KIF26B: variants seen among roughly 807,000 people sequenced by gnomAD.
The protein encoded by KIF26B is kinesin family member 26B.
In KIF26B, 63 loss-of-function variants were observed where a neutral mutation model predicts 151.2. The ratio of observed to expected loss-of-function variants is 0.42; its 90% confidence interval spans 0.34 to 0.51. The LOEUF is 0.51. Among genes scored for constraint, KIF26B ranks in the 20% least tolerant of loss-of-function variants. The pLI, the probability that KIF26B is intolerant of heterozygous loss-of-function variation, is 0.07. For synonymous variants in KIF26B, 1,357 were observed against 1,262.1 expected, an observed-to-expected ratio of 1.08 and a Z score of -1.59; for missense variants, 2,813 against 2,913.6, an observed-to-expected ratio of 0.97 and a Z score of 0.79.
rs1669901817 is a variant in KIF26B at position 245,227,618 on chromosome 1, A to G, written c.465+70935A>G. Among the ~76,000 whole-genome samples, 1 of 152,236 alleles carries G rather than the reference A, an allele frequency of 6.6e-6. No homozygotes were observed. Among genetic ancestry groups the G allele is most frequent in the Admixed American group, 6.5e-5 (1 of 15,284 alleles). ...TAGGAGAAGGGAAGAACACAGTTAC[A>G]GTATTAGACTCACTGTTTCCTGAGC... On this transcript the variant is annotated intron_variant, in intron 2 of 14. Transcript: ENST00000407071. This position sits in a 1 kb window ranked among gnomAD's most constrained non-coding sequence, Gnocchi z 4.1.
In KIF26B at chr1:245,609,256, G is replaced by A. The variant is rs184798035; in HGVS notation, c.1652-10G>A. 8 of 1,586,562 alleles carry A rather than the reference G, an allele frequency of 5.0e-6. No individual in the cohort carries two copies. The African/African-American group carries it at 9.4e-5, about 19-fold the overall frequency. On this transcript the variant is annotated splice_polypyrimidine_tract_variant and intron_variant, in intron 7 of 14. Coordinates refer to ENST00000407071, the MANE Select transcript of KIF26B (RefSeq NM_018012.4). Reference sequence around the variant, plus strand: ...TGAACCTGCTTTTCTTCCTTCCCTGGTTCTCCCAGGAAAATCCTACACCAT... The same window carrying A: ...TGAACCTGCTTTTCTTCCTTCCCTGATTCTCCCAGGAAAATCCTACACCAT...
At chr1:245,247,779 A>C (rs1670364451) in intron 2 of KIF26B, among the ~76,000 whole-genome samples, 1 of 152,234 alleles carries the variant, frequency 6.6e-6, no homozygotes, top group South Asian at 2.1e-4. Context: ...AGAACAATTA[A>C]GTCATCTGTT....
intron 4 of KIF26B, among the ~76,000 whole-genome samples, chr1:245,523,633 GC>G (rs1268144463): frequency 1.3e-5 from 2 of 152,176 alleles, no homozygotes; most frequent in Non-Finnish European, 2.9e-5. Context: ...GGCAGAAGGG[GC>G]AAACAAGCTC....
Position 245,440,257 on chromosome 1 carries a change from A to G in KIF26B, c.1166+20512A>G, listed in dbSNP as rs142017542. Among the ~76,000 whole-genome samples, 227 of 152,134 alleles carry G rather than the reference A, an allele frequency of 1.5e-3. 2 individuals are homozygous for G. The highest frequency in any genetic ancestry group is 0.014 in the Middle Eastern group (4 of 294). ...AAACTAAAAGGTTCTCACAAGTTCA[A>G]CTTATAAAAGGGAAGCAAAGCCTGG... On this transcript the variant is annotated intron_variant, in intron 4 of 14. Transcript: ENST00000407071.
intron 4 of KIF26B, among the ~76,000 whole-genome samples, chr1:245,473,358 G>A (rs1659954274): frequency 6.6e-6 from 1 of 152,206 alleles, no homozygotes; most frequent in Non-Finnish European, 1.5e-5. Context: ...AAATGTTCAT[G>A]ATCTTGGCTT....
chr1:245,650,802 T>C (rs2044006287), intron 10 of KIF26B, among the ~76,000 whole-genome samples: 1 of 152,232 alleles, frequency 6.6e-6, no homozygotes, highest in African/African-American at 2.4e-5. Flanking sequence ...AAAGTCCTTC[T>C]GTGGCCCTCT....
intron 2 of KIF26B, among the ~76,000 whole-genome samples, chr1:245,257,886 G>A (rs1259278989): frequency 6.6e-6 from 1 of 152,186 alleles, no homozygotes; most frequent in African/African-American, 2.4e-5. Context: ...GCTGGGCATG[G>A]TGGCACATGC....
intron 2 of KIF26B, among the ~76,000 whole-genome samples, chr1:245,237,851 A>G (rs1288182096): frequency 6.6e-6 from 1 of 151,718 alleles, no homozygotes; most frequent in Non-Finnish European, 1.5e-5. Context: ...GTGAGACCTC[A>G]TCTCTGCTAA....
At chr1:245,676,241 C>T (rs761063240) in intron 10 of KIF26B, 15 of 152,314 alleles carry the variant, frequency 9.8e-5, no homozygotes, top group Non-Finnish European at 1.9e-4. Context: ...TATACACTTC[C>T]TGAGCAGAAC....
At chr1:245,332,786 TG>T (rs1365242494) in intron 2 of KIF26B, among the ~76,000 whole-genome samples, 1 of 152,202 alleles carries the variant, frequency 6.6e-6, no homozygotes, top group African/African-American at 2.4e-5. Context: ...TTCCAGTCTT[TG>T]GGGTATCTGT....
chr1:245,179,110 C>G (rs1400629895), intron 2 of KIF26B, among the ~76,000 whole-genome samples: 1 of 152,160 alleles, frequency 6.6e-6, no homozygotes, highest in Non-Finnish European at 1.5e-5. Flanking sequence ...AAGACTGCCC[C>G]TGTCTTTGTG....
intron 4 of KIF26B, among the ~76,000 whole-genome samples, chr1:245,511,597 T>C (rs189002015): frequency 1.3e-5 from 2 of 152,294 alleles, no homozygotes; most frequent in Admixed American, 6.5e-5. Context: ...TGTTTGTTTG[T>C]TTGTTTGTTT....
intron 5 of KIF26B, among the ~76,000 whole-genome samples, chr1:245,543,663 A>C (rs1350240038): frequency 6.6e-6 from 1 of 152,058 alleles, no homozygotes; most frequent in African/African-American, 2.4e-5. Context: ...TTGGAACAAG[A>C]AGTTGGCTGG....
intron 5 of KIF26B, among the ~76,000 whole-genome samples, chr1:245,598,863 G>A (rs980303762): frequency 6.6e-6 from 1 of 152,210 alleles, no homozygotes. Context: ...GGAAATGCCA[G>A]TCTCTTCTTG....
intron 3 of KIF26B, among the ~76,000 whole-genome samples, chr1:245,409,826 A>G (rs1674231840): frequency 1.3e-5 from 2 of 152,216 alleles, no homozygotes; most frequent in Non-Finnish European, 2.9e-5. Context: ...GGACTAGGCC[A>G]GGTCTGGGGC....
intron 2 of KIF26B, among the ~76,000 whole-genome samples, chr1:245,165,855 T>C (rs1283525327): frequency 1.3e-5 from 2 of 152,096 alleles, no homozygotes; most frequent in African/African-American, 4.8e-5. Flanking sequence ...TGGATGTCTT[T>C]GTTGGAAGAA....
intron 4 of KIF26B, among the ~76,000 whole-genome samples, chr1:245,531,883 G>A (rs1661369631): frequency 6.6e-6 from 1 of 152,164 alleles, no homozygotes; most frequent in Non-Finnish European, 1.5e-5. Flanking sequence ...GATCACTCGA[G>A]GCGAGGAGTT....
chr1:245,261,101 TC>T (rs959439465), intron 2 of KIF26B, among the ~76,000 whole-genome samples: 1 of 149,338 alleles, frequency 6.7e-6, no homozygotes, highest in Non-Finnish European at 1.5e-5. Context: ...CTTCCTTCCT[TC>T]CTTCCTTCCT....
intron 5 of KIF26B, among the ~76,000 whole-genome samples, chr1:245,579,751 G>A (rs2043156582): frequency 6.6e-6 from 1 of 152,152 alleles, no homozygotes; most frequent in Non-Finnish European, 1.5e-5. Context: ...GGGAGGCTGA[G>A]GCAGGAGAAT....
Sources: allele counts gnomAD v4.1 joint callset (sites outside exome capture counted in the v4.1 genomes callset), GRCh38; gene constraint gnomAD v4.1.1; non-coding constraint Gnocchi (gnomAD v3.1); transcripts MANE v1.5; gene names NCBI Gene and HGNC (gene_info 2026-07-23, HGNC 2026-07-21).